Variants in A2M observed in about 807,000 individuals in gnomAD.
The protein encoded by A2M is alpha-2-macroglobulin.
In A2M, 128 loss-of-function variants were observed where a neutral mutation model predicts 183.9. The ratio of observed to expected loss-of-function variants is 0.70; its 90% confidence interval spans 0.60 to 0.81. A2M has a LOEUF of 0.81. Ranked by LOEUF, A2M falls within the 30% of genes least tolerant of loss-of-function variation. The pLI, the probability that A2M is intolerant of heterozygous loss-of-function variation, is 0.00. For synonymous variants in A2M, 592 were observed against 670.8 expected, an observed-to-expected ratio of 0.88 and a Z score of 1.81; for missense variants, 1,495 against 1,787.6, an observed-to-expected ratio of 0.84 and a Z score of 2.95.
chr12:9,095,337 A>C (rs1374732332), intron 16 of A2M, among the ~76,000 whole-genome samples: 1 of 152,232 alleles, frequency 6.6e-6, no homozygotes, highest in African/African-American at 2.4e-5. Flanking sequence ...GTGAAAAAAG[A>C]AAACTTGAAT....
intron 23 of A2M, 57 bp downstream of exon 23, chr12:9,080,036 TA>T: frequency 8.7e-7 from 1 of 1,143,356 alleles, no homozygotes; most frequent in Non-Finnish European, 1.2e-6. Flanking sequence ...TTATGGGAAA[TA>T]AAAATAGTAT....
At chr12:9,106,666 G>T (rs1482459862) in intron 8 of A2M, 61 bp from the exon 9 acceptor site, 2 of 837,672 alleles carry the variant, frequency 2.4e-6, no homozygotes, top group African/African-American at 1.7e-5. Context: ...TAGATCAGTG[G>T]TCAGATAACC....
intron 13 of A2M, 126 bp from the exon 14 acceptor site, chr12:9,099,649 A>T (rs1937670587): frequency 8.4e-7 from 1 of 1,187,140 alleles, no homozygotes; most frequent in African/African-American, 1.6e-5. Context: ...CTCTAGCTTT[A>T]GAAAAAAACC....
chr12:9,108,087 C>T (rs1938441600), intron 7 of A2M, among the ~76,000 whole-genome samples: 1 of 151,196 alleles, frequency 6.6e-6, no homozygotes. Flanking sequence ...ATCTCTATAT[C>T]GAGTTTCACT....
intron 22 of A2M, among the ~76,000 whole-genome samples, chr12:9,084,735 CTGAA>C (rs964850167): frequency 6.6e-6 from 1 of 151,944 alleles, no homozygotes; most frequent in African/African-American, 2.4e-5. Flanking sequence ...CATAAAGTGA[CTGAA>C]TGGATTTAAA....
chr12:9,091,813 G>A (rs1949222704), intron 18 of A2M, among the ~76,000 whole-genome samples: 1 of 152,144 alleles, frequency 6.6e-6, no homozygotes, highest in Admixed American at 6.5e-5. Flanking sequence ...TAACCAGTGA[G>A]GGATCTCTTA....
chr12:9,072,962 G>C (rs1033401769), intron 29 of A2M, 91 bp from the exon 30 acceptor site: 2 of 937,506 alleles, frequency 2.1e-6, no homozygotes, highest in Non-Finnish European at 3.2e-6. Context: ...GAGGGACTTT[G>C]ATTTCCTACT....
intron 21 of A2M, among the ~76,000 whole-genome samples, chr12:9,089,609 T>C (rs138925468): frequency 0.019 from 2,876 of 152,032 alleles, 42 homozygotes; most frequent in Non-Finnish European, 0.029. Context: ...GGCGTGGTGG[T>C]GCACACCTGT....
intron 29 of A2M, among the ~76,000 whole-genome samples, chr12:9,073,714 G>A (rs951137761): frequency 1.3e-5 from 2 of 152,142 alleles, no homozygotes; most frequent in African/African-American, 2.4e-5. Context: ...CAGATACATG[G>A]TTATATAGCT....
rs377206600 is a variant in A2M, at chr12:9,095,573, C to A, written c.1979G>T (p.Ser660Ile). 1.9e-6 allele frequency: 3 copies of A among 1,612,470 alleles called. No individual in the cohort carries two copies. In the South Asian group the frequency reaches 3.3e-5, roughly 18 times the overall value. ...GCTGTACATATCCTTTTCATTTGTA[C>A]TTGATACTGGAGTATATGTGATTCC... ...INGITYTPVSSTNEKDMYSFL... is the reference protein window; with the variant it reads ...INGITYTPVSITNEKDMYSFL... Residue 660 changes from serine to isoleucine, a missense_variant, in exon 16 of 36, where the codon AGT (serine) becomes ATT (isoleucine). Coordinates refer to ENST00000318602, the MANE Select transcript of A2M (RefSeq NM_000014.6).
At chr12:9,107,417 ATTCTCTTCTAGATTG>A in intron 8 of A2M, 92 bp downstream of exon 8, 6 of 1,335,548 alleles carry the variant, frequency 4.5e-6, no homozygotes, top group Non-Finnish European at 6.1e-6. Context: ...CCAACATGGA[ATTCTCTTCTAGATTG>A]TTCTCTTCCT....
intron 22 of A2M, among the ~76,000 whole-genome samples, chr12:9,087,592 G>A (rs769459029): frequency 6.6e-5 from 10 of 152,064 alleles, no homozygotes; most frequent in Non-Finnish European, 1.3e-4. Context: ...CTATTGCACA[G>A]CATGGTGAAT....
Position 9,080,191 on chromosome 12 carries a change from C to G in A2M, c.2771-14G>C. The G allele has an allele frequency of 6.6e-7, 1 of 1,515,640 alleles. No individual in the cohort carries two copies. The highest frequency in any genetic ancestry group is 9.0e-7 in the Non-Finnish European group (1 of 1,107,294). 93.9% of individuals were successfully genotyped at this position (1,515,640 alleles called of 1,614,324 possible). On this transcript the variant is annotated splice_polypyrimidine_tract_variant and intron_variant, in intron 22 of 35. Coordinates refer to ENST00000318602, the MANE Select transcript of A2M (RefSeq NM_000014.6). ...AAACCTCACCACCTAGAGAAATAAG[C>G]AAATCAGACATATGAAAATTATTTC...
At chr12:9,068,928 G>T (rs1195313543) in intron 33 of A2M, 86 bp from the exon 34 acceptor site, 1 of 957,238 alleles carries the variant, frequency 1.0e-6, no homozygotes, top group Non-Finnish European at 1.5e-6. Flanking sequence ...GTTTTTTGGG[G>T]GAAAAGCTTT....
intron 33 of A2M, chr12:9,069,120 G>A (rs997609615): frequency 8.1e-6 from 2 of 246,374 alleles, no homozygotes; most frequent in African/African-American, 4.5e-5. Context: ...ATGACTAACT[G>A]TGTTCATTTT....
In A2M at chr12:9,112,535, A is replaced by G. The variant is rs1031785880; in HGVS notation, c.272T>C (p.Val91Ala). 1.9e-6 allele frequency: 3 copies of G among 1,613,550 alleles called. No homozygotes were observed. Among genetic ancestry groups the G allele is most frequent in the Non-Finnish European group, 2.5e-6 (3 of 1,179,716 alleles). Residue 91 changes from valine to alanine, a missense_variant and splice_region_variant, in exon 3 of 36, where the codon GTC (valine) becomes GCC (alanine). Transcript: ENST00000318602. ...NDVLHCVAFA[V>A]PKSSSNEEVM... ...CTCCTCATTGGATGAAGACTTTGGGACCTGAAATACAGGACCGATCCTGAA... is the reference window on the plus strand; with the variant it reads ...CTCCTCATTGGATGAAGACTTTGGGGCCTGAAATACAGGACCGATCCTGAA...
chr12:9,091,114 A>C (rs1949198565), intron 19 of A2M, 87 bp downstream of exon 19: 3 of 1,434,318 alleles, frequency 2.1e-6, no homozygotes, highest in African/African-American at 2.8e-5. Context: ...CATATTTTGC[A>C]TACAAGAGTT....
intron 31 of A2M, among the ~76,000 whole-genome samples, chr12:9,071,610 T>G (rs980611258): frequency 6.6e-6 from 1 of 152,142 alleles, no homozygotes; most frequent in Admixed American, 6.5e-5. Context: ...AACCCTCAAG[T>G]AGGCTCTGGT....
rs908993645 is a variant in A2M, at chr12:9,093,592, A to C, written c.2126-13T>G. The C allele has an allele frequency of 4.0e-6, 6 of 1,481,918 alleles. No individual in the cohort carries two copies. Among genetic ancestry groups the C allele is most frequent in the Non-Finnish European group, 5.5e-6 (6 of 1,082,420 alleles). The allele number at this position is 1,481,918 out of a possible 1,614,324, so 91.8% of individuals were successfully genotyped here. A position where few individuals can be genotyped will look rare whatever the true frequency, so the allele number is the denominator to read the frequency against. ...ATTACATCTGACTCTATGGTGAGTGAGGAAGAAGACATTACAATAAACATA... is the reference window on the plus strand; with the variant it reads ...ATTACATCTGACTCTATGGTGAGTGCGGAAGAAGACATTACAATAAACATA... On this transcript the variant is annotated splice_polypyrimidine_tract_variant and intron_variant, in intron 17 of 35. Coordinates refer to ENST00000318602, the MANE Select transcript of A2M (RefSeq NM_000014.6).
Sources: allele counts gnomAD v4.1 joint callset (sites outside exome capture counted in the v4.1 genomes callset), GRCh38; gene constraint gnomAD v4.1.1; transcripts MANE v1.5; gene names NCBI Gene and HGNC (gene_info 2026-07-23, HGNC 2026-07-21).